CTNNA2: variants seen among roughly 807,000 people sequenced by gnomAD.
CTNNA2 encodes catenin alpha 2, also known as catenin alpha-2.
CTNNA2 carries 42 observed loss-of-function variants against 101.0 expected under a neutral mutation model. The observed-to-expected ratio is 0.42, with a 90% confidence interval of 0.32 to 0.54. The LOEUF is 0.54. Among genes scored for constraint, CTNNA2 ranks in the 20% least tolerant of loss-of-function variants. The probability of loss-of-function intolerance (pLI) is 0.14; values close to 1 mark genes in which losing one functional copy is unlikely to be tolerated. For missense variants in CTNNA2, 871 were observed against 1,223.1 expected, an observed-to-expected ratio of 0.71 and a Z score of 4.29; for synonymous variants, 450 against 456.4, an observed-to-expected ratio of 0.99 and a Z score of 0.18.
At chr2:80,507,329 T>G (rs2149544627) in intron 9 of CTNNA2, among the ~76,000 whole-genome samples, 1 of 152,286 alleles carries the variant, frequency 6.6e-6, no homozygotes, top group Non-Finnish European at 1.5e-5. Flanking sequence ...CCTTTTACTT[T>G]TTTTGAGAGT....
intron 7 of CTNNA2, among the ~76,000 whole-genome samples, chr2:80,222,831 G>A (rs1185368851): frequency 6.6e-6 from 1 of 152,160 alleles, no homozygotes; most frequent in South Asian, 2.1e-4. Context: ...TTGCAAATAT[G>A]TACAATATAA....
intron 2 of CTNNA2, among the ~76,000 whole-genome samples, chr2:79,270,630 G>C (rs999462951): frequency 6.6e-6 from 1 of 151,870 alleles, no homozygotes; most frequent in Admixed American, 6.6e-5. Context: ...TCAGGCATTT[G>C]AGACTCTCAG....
intron 7 of CTNNA2, among the ~76,000 whole-genome samples, chr2:80,055,714 A>G (rs1212512061): frequency 1.3e-5 from 2 of 152,040 alleles, no homozygotes; most frequent in Non-Finnish European, 1.5e-5. Context: ...TTAACCACTC[A>G]TCAGCTTGGT....
At chr2:79,536,513 C>T (rs1673070538) in intron 1 of CTNNA2, among the ~76,000 whole-genome samples, 1 of 151,358 alleles carries the variant, frequency 6.6e-6, no homozygotes, top group Admixed American at 6.6e-5. Flanking sequence ...CTAATAATAT[C>T]ATAACAAGGT....
At chr2:80,517,747 C>T (rs572528955) in intron 9 of CTNNA2, among the ~76,000 whole-genome samples, 4 of 152,228 alleles carry the variant, frequency 2.6e-5, no homozygotes, top group South Asian at 4.2e-4. Context: ...AACCCCAAAT[C>T]GTTTTAATAA....
chr2:80,183,291 C>T (rs1705904496), intron 7 of CTNNA2, among the ~76,000 whole-genome samples: 3 of 151,982 alleles, frequency 2.0e-5, no homozygotes, highest in African/African-American at 2.4e-5. Flanking sequence ...AATGGAGGCC[C>T]AGTAAAGGAA....
chr2:80,412,746 T>C (rs1198823524), intron 8 of CTNNA2, among the ~76,000 whole-genome samples: 4 of 152,064 alleles, frequency 2.6e-5, no homozygotes, highest in African/African-American at 7.2e-5. Flanking sequence ...TTGCTCTTAA[T>C]GGATCTAGGA....
intron 4 of CTNNA2, among the ~76,000 whole-genome samples, chr2:79,452,996 A>C (rs1670774846): frequency 6.6e-6 from 1 of 152,136 alleles, no homozygotes; most frequent in African/African-American, 2.4e-5. Flanking sequence ...ATTTGTAATA[A>C]TTAAAAAGTT....
intron 7 of CTNNA2, among the ~76,000 whole-genome samples, chr2:80,329,695 G>A (rs1671147091): frequency 1.3e-5 from 2 of 152,168 alleles, no homozygotes; most frequent in Admixed American, 1.3e-4. Context: ...CCTGAATGAG[G>A]AAGCAACATT....
chr2:79,922,750 G>GCTAT (rs1205509225), intron 7 of CTNNA2, among the ~76,000 whole-genome samples: 1 of 151,048 alleles, frequency 6.6e-6, no homozygotes, highest in African/African-American at 2.4e-5. Flanking sequence ...TGAGTAGCAT[G>GCTAT]CTATCTTCAA....
At chr2:79,942,303 C>T (rs1362412891) in intron 7 of CTNNA2, among the ~76,000 whole-genome samples, 1 of 152,176 alleles carries the variant, frequency 6.6e-6, no homozygotes, top group Non-Finnish European at 1.5e-5. Context: ...TTGCTCAAAG[C>T]CACACATCTG....
chr2:79,826,406 C>T (rs1392534620), intron 3 of CTNNA2, among the ~76,000 whole-genome samples: 2 of 152,162 alleles, frequency 1.3e-5, no homozygotes, highest in African/African-American at 4.8e-5. Flanking sequence ...AATGTTGTTT[C>T]TTATAACTTA....
At chr2:80,610,898 C>T (rs1318338607) in intron 17 of CTNNA2, among the ~76,000 whole-genome samples, 1 of 151,552 alleles carries the variant, frequency 6.6e-6, no homozygotes, top group Non-Finnish European at 1.5e-5. Flanking sequence ...CTCCAGGCAT[C>T]ATGACGGCGA....
At chr2:80,376,466 GA>G (rs5832451) in intron 7 of CTNNA2, among the ~76,000 whole-genome samples, 20,741 of 125,512 alleles carry the variant, frequency 0.17, 1,509 homozygotes, top group African/African-American at 0.21. Context: ...GTAGAAACAG[GA>G]AAAAAAAAAA....
At chr2:79,713,093 TA>T (rs1446242087) in intron 2 of CTNNA2, among the ~76,000 whole-genome samples, 1 of 152,216 alleles carries the variant, frequency 6.6e-6, no homozygotes, top group Non-Finnish European at 1.5e-5. Flanking sequence ...TAAATTTAGT[TA>T]AAATTGATTT....
At chr2:79,403,159 T>G (rs963189338) in intron 4 of CTNNA2, among the ~76,000 whole-genome samples, 1 of 151,814 alleles carries the variant, frequency 6.6e-6, no homozygotes, top group Non-Finnish European at 1.5e-5. Context: ...GGATGGGAAA[T>G]GTTCTTAATG....
At chr2:79,856,539 G>C (rs1681149931) in intron 3 of CTNNA2, among the ~76,000 whole-genome samples, 1 of 152,100 alleles carries the variant, frequency 6.6e-6, no homozygotes, top group South Asian at 2.1e-4. Context: ...CAAGTTTATT[G>C]AAGCTTTTAT....
At chr2:80,547,824 G>A (rs1193332908) in intron 11 of CTNNA2, among the ~76,000 whole-genome samples, 3 of 151,734 alleles carry the variant, frequency 2.0e-5, no homozygotes, top group Non-Finnish European at 4.4e-5. Flanking sequence ...AGAGTAGCTG[G>A]GATTACAGGC....
intron 3 of CTNNA2, among the ~76,000 whole-genome samples, chr2:79,770,111 G>A (rs368481125): frequency 6.3e-4 from 96 of 152,252 alleles, no homozygotes; most frequent in African/African-American, 2.2e-3. Flanking sequence ...ACAAGTTGGG[G>A]AGTGCTTCTA....
Sources: gnomAD v4.1 joint callset for allele counts (sites outside exome capture counted in the v4.1 genomes callset) on GRCh38, gnomAD v4.1.1 for gene constraint, MANE v1.5 for transcripts, NCBI Gene and HGNC (gene_info 2026-07-23, HGNC 2026-07-21) for gene names.